AGBL4: variants seen among roughly 807,000 people sequenced by gnomAD.
AGBL4 encodes the protein AGBL carboxypeptidase 4, also known as cytosolic carboxypeptidase 6.
A neutral mutation model predicts 66.4 loss-of-function variants in AGBL4; 58 were observed. The observed-to-expected ratio is 0.87, with a 90% CI of 0.71 to 1.09. The LOEUF (loss-of-function observed/expected upper bound fraction) is 1.09. Ranked by LOEUF, AGBL4 falls within the 50% of genes least tolerant of loss-of-function variation. The probability of loss-of-function intolerance (pLI) is 0.00; values close to 1 mark genes in which losing one functional copy is unlikely to be tolerated. For missense variants in AGBL4, 579 were observed against 631.0 expected, an observed-to-expected ratio of 0.92 and a Z score of 0.88; for synonymous variants, 234 against 222.9, an observed-to-expected ratio of 1.05 and a Z score of -0.44.
At chr1:49,381,195 A>C (rs1015598488) in intron 3 of AGBL4, among the ~76,000 whole-genome samples, 6 of 152,234 alleles carry the variant, frequency 3.9e-5, no homozygotes, top group Admixed American at 6.5e-5. Context: ...GGATATGAAC[A>C]GACACTTCTC....
At position 49,294,092 on chromosome 1, in the gene AGBL4, G is replaced by T. The variant is rs567593502; in HGVS notation, c.283-48228C>A. ...TTTATGAAGTACTAGAGAAAGCACA[G>T]GATTGAGAGTAGGAAAATCTGTGTG... is the stretch of plus-strand genomic sequence containing the variant. On this transcript the variant is annotated intron_variant, in intron 3 of 13. Transcript: ENST00000371839. Among the ~76,000 whole-genome samples, 68 of 152,320 alleles carry T rather than the reference G, an allele frequency of 4.5e-4. No individual in the cohort carries two copies. In the Middle Eastern group the frequency reaches 0.01, roughly 23 times the overall value.
chr1:49,603,546 A>ATAAG (rs1232556160), intron 3 of AGBL4, among the ~76,000 whole-genome samples: 1 of 150,202 alleles, frequency 6.7e-6, no homozygotes, highest in Non-Finnish European at 1.5e-5. Flanking sequence ...AAATAAATAA[A>ATAAG]TAAATAAATA....
intron 2 of AGBL4, among the ~76,000 whole-genome samples, chr1:49,734,016 T>C (rs930455897): frequency 3.3e-5 from 5 of 152,134 alleles, no homozygotes; most frequent in African/African-American, 1.2e-4. Flanking sequence ...CATACTACTA[T>C]AGAAGAGTAT....
chr1:49,028,946 A>G (rs1475814672), intron 5 of AGBL4, among the ~76,000 whole-genome samples: 2 of 152,206 alleles, frequency 1.3e-5, no homozygotes, highest in Admixed American at 1.3e-4. Flanking sequence ...TTTTAATAAA[A>G]TAAAGGACAA....
chr1:48,577,878 T>A (rs1264306807), intron 11 of AGBL4, among the ~76,000 whole-genome samples: 1 of 152,102 alleles, frequency 6.6e-6, no homozygotes, highest in Non-Finnish European at 1.5e-5. Flanking sequence ...AGGAAATGGA[T>A]GGAAACTGGG....
At chr1:49,302,762 T>A (rs532389015) in intron 3 of AGBL4, among the ~76,000 whole-genome samples, 4 of 151,590 alleles carry the variant, frequency 2.6e-5, no homozygotes, top group Non-Finnish European at 5.9e-5. Flanking sequence ...TAACAACCTG[T>A]CACCTAGGTA....
chr1:49,928,920 G>T (rs1653059768), intron 1 of AGBL4, among the ~76,000 whole-genome samples: 1 of 151,976 alleles, frequency 6.6e-6, no homozygotes, highest in South Asian at 2.1e-4. Flanking sequence ...CAAACCAGCT[G>T]ACCATCAATT....
chr1:49,732,166 T>C (rs906846588), intron 2 of AGBL4, among the ~76,000 whole-genome samples: 5 of 152,170 alleles, frequency 3.3e-5, no homozygotes, highest in African/African-American at 9.7e-5. Flanking sequence ...CTCTACCAGC[T>C]TGAAGTACAG....
intron 3 of AGBL4, among the ~76,000 whole-genome samples, chr1:49,672,783 G>A (rs575493416): frequency 2.6e-5 from 4 of 151,576 alleles, no homozygotes; most frequent in South Asian, 2.1e-4. Context: ...TTATCTGGGC[G>A]TGGTGGCGGG....
chr1:49,743,219 A>T (rs1650685819), intron 2 of AGBL4, among the ~76,000 whole-genome samples: 1 of 152,170 alleles, frequency 6.6e-6, no homozygotes, highest in Non-Finnish European at 1.5e-5. Flanking sequence ...AAAAACAAAC[A>T]ACCCCAACAA....
chr1:49,604,297 T>A (rs1645023661), intron 3 of AGBL4, among the ~76,000 whole-genome samples: 2 of 152,222 alleles, frequency 1.3e-5, no homozygotes, highest in Admixed American at 6.5e-5. Flanking sequence ...TACCTCGTTG[T>A]TGTTTTAATT....
chr1:48,982,866 G>A (rs936548663), intron 5 of AGBL4, among the ~76,000 whole-genome samples: 5 of 152,026 alleles, frequency 3.3e-5, no homozygotes, highest in African/African-American at 1.2e-4. Context: ...AGCACCTGTT[G>A]TTTCCTGACT....
rs1188477951 is a variant in AGBL4, at chr1:49,066,750, C to A, written c.378-20950G>T. 2.6e-5 allele frequency among the ~76,000 whole-genome samples: 4 copies of A among 152,196 alleles called. No individual in the cohort carries two copies. The South Asian group carries it at 6.2e-4, about 24-fold the overall frequency. On this transcript the variant is annotated intron_variant, in intron 4 of 13. Transcript: ENST00000371839. Reference sequence around the variant, plus strand: ...ATGTAGCTATACCAGGATCTATGTCCCTGGGAGCAGCAAAGCCTTAGTTGA... The same window carrying A: ...ATGTAGCTATACCAGGATCTATGTCACTGGGAGCAGCAAAGCCTTAGTTGA...
chr1:49,139,273 G>A (rs1646071189), intron 4 of AGBL4, among the ~76,000 whole-genome samples: 1 of 152,088 alleles, frequency 6.6e-6, no homozygotes. Context: ...CAATAATTCA[G>A]GCAAACCTCA....
intron 3 of AGBL4, among the ~76,000 whole-genome samples, chr1:49,457,680 T>G (rs1646420414): frequency 6.6e-6 from 1 of 151,828 alleles, no homozygotes; most frequent in Non-Finnish European, 1.5e-5. Context: ...CTTCCAAAAT[T>G]TTTATAGTTT....
At chr1:49,131,321 C>T (rs1645891220) in intron 4 of AGBL4, among the ~76,000 whole-genome samples, 1 of 151,992 alleles carries the variant, frequency 6.6e-6, no homozygotes, top group Non-Finnish European at 1.5e-5. Context: ...GTGGTGATTA[C>T]ATGGGTCTAT....
intron 11 of AGBL4, among the ~76,000 whole-genome samples, chr1:48,549,862 G>T (rs1473187698): frequency 6.6e-6 from 1 of 151,894 alleles, no homozygotes; most frequent in African/African-American, 2.4e-5. Flanking sequence ...AGAGACAAAA[G>T]AAAAAAATGC....
intron 2 of AGBL4, among the ~76,000 whole-genome samples, chr1:49,726,414 C>A (rs986840612): frequency 6.6e-6 from 1 of 151,994 alleles, no homozygotes; most frequent in Admixed American, 6.6e-5. Context: ...AAATAATGTG[C>A]TAAAATGTTT....
intron 4 of AGBL4, among the ~76,000 whole-genome samples, chr1:49,188,560 C>A (rs925137527): frequency 1.3e-5 from 2 of 152,144 alleles, no homozygotes; most frequent in Non-Finnish European, 2.9e-5. Flanking sequence ...GAGTAATAAT[C>A]TCTATCCCCC....
Sources: allele counts gnomAD v4.1 joint callset (sites outside exome capture counted in the v4.1 genomes callset), GRCh38; gene constraint gnomAD v4.1.1; transcripts MANE v1.5; gene names NCBI Gene and HGNC (gene_info 2026-07-23, HGNC 2026-07-21).